The following CDK18 variants were observed in gnomAD, a reference collection of about 807,000 sequenced individuals.
The protein encoded by CDK18 is cyclin-dependent kinase 18.
In CDK18, 52 loss-of-function variants were observed where a neutral mutation model predicts 62.0. The ratio of observed to expected loss-of-function variants is 0.84; its 90% CI spans 0.67 to 1.06. The LOEUF (loss-of-function observed/expected upper bound fraction) is 1.06. CDK18 is among the 50% of genes least tolerant of loss of function. CDK18 has a pLI of 0.00. For synonymous variants in CDK18, 237 were observed against 247.0 expected, an observed-to-expected ratio of 0.96 and a Z score of 0.38; for missense variants, 604 against 619.9, an observed-to-expected ratio of 0.97 and a Z score of 0.27.
chr1:205,519,932 C>T (rs527487438), intron 1 of CDK18, among the ~76,000 whole-genome samples: 1 of 152,286 alleles, frequency 6.6e-6, no homozygotes, highest in South Asian at 2.1e-4. Flanking sequence ...TCCCAGACTG[C>T]AGGACGGTTT....
intron 1 of CDK18, among the ~76,000 whole-genome samples, chr1:205,518,401 G>T (rs530537820): frequency 6.6e-6 from 1 of 152,226 alleles, no homozygotes; most frequent in Admixed American, 6.5e-5. Flanking sequence ...GGAGCCAGGG[G>T]TGAGAGGGGT....
In CDK18 at chr1:205,527,442, G is replaced by C; in HGVS notation, c.730-352G>C. The C allele has an allele frequency of 4.0e-6, 1 of 247,020 alleles. No individual in the cohort carries two copies. The highest frequency in any genetic ancestry group is 5.7e-5 in the South Asian group (1 of 17,422). 15.3% of individuals were successfully genotyped at this position (247,020 alleles called of 1,614,324 possible). Reference sequence around the variant, plus strand: ...TGCAGTGAGCCATGATCACACCACTGCACTCCAGCCTGGGTGACAGAGTAA... The same window carrying C: ...TGCAGTGAGCCATGATCACACCACTCCACTCCAGCCTGGGTGACAGAGTAA... On this transcript the variant is annotated intron_variant, in intron 8 of 15. Coordinates refer to ENST00000429964, the MANE Select transcript of CDK18 (RefSeq NM_212502.3). This position sits in a 1 kb window ranked among gnomAD's most constrained non-coding sequence, Gnocchi z 4.1.
At chr1:205,524,670 T>G (rs1302594871) in intron 4 of CDK18, among the ~76,000 whole-genome samples, 1 of 152,202 alleles carries the variant, frequency 6.6e-6, no homozygotes, top group Non-Finnish European at 1.5e-5. Context: ...GTTTGGGACA[T>G]CTTACAAAAC....
In CDK18 at chr1:205,532,038, C is replaced by G. The variant is rs1044289872; in HGVS notation, c.*660C>G. On this transcript the variant is annotated 3_prime_UTR_variant, in exon 16 of 16. Coordinates refer to ENST00000429964, the MANE Select transcript of CDK18 (RefSeq NM_212502.3). ...GGCTTGAACCATGGCTGAGCAGTGC[C>G]GGCATACGCTTTGCTGGCATGCTTG... is the stretch of plus-strand genomic sequence containing the variant. 1 of 153,058 alleles carries G rather than the reference C, an allele frequency of 6.5e-6. No homozygotes were observed. Among genetic ancestry groups the G allele is most frequent in the African/African-American group, 2.4e-5 (1 of 41,440 alleles). 9.5% of individuals were successfully genotyped at this position (153,058 alleles called of 1,614,324 possible). A position where few individuals can be genotyped will look rare whatever the true frequency, so the allele number is the denominator to read the frequency against.
chr1:205,529,168 G>A, intron 11 of CDK18, 72 bp downstream of exon 11: 3 of 1,422,482 alleles, frequency 2.1e-6, no homozygotes, highest in South Asian at 1.2e-5. Context: ...GGCGCGGAGC[G>A]GGACGGGGAG....
rs1304180199 is a variant in CDK18 at position 205,510,876 on chromosome 1, G to A, written c.-22+6080G>A. 2.6e-5 allele frequency among the ~76,000 whole-genome samples: 4 copies of A among 152,226 alleles called. No individual in the cohort carries two copies. In the East Asian group the frequency reaches 7.7e-4, roughly 29 times the overall value. ...GCTAACAAGGTGAGCTGTGTGCTGGGGTCCCAAGAGGGGCTCAGCCTCCTG... is the reference window on the plus strand; with the variant it reads ...GCTAACAAGGTGAGCTGTGTGCTGGAGTCCCAAGAGGGGCTCAGCCTCCTG... On this transcript the variant is annotated intron_variant, in intron 1 of 15. Transcript: ENST00000429964.
intron 1 of CDK18, among the ~76,000 whole-genome samples, chr1:205,514,901 C>T (rs1667741920): frequency 6.6e-6 from 1 of 152,156 alleles, no homozygotes; most frequent in South Asian, 2.1e-4. Flanking sequence ...AAGGTGTGGT[C>T]ATGCACAGTC....
At chr1:205,522,103 C>T (rs1668157779) in intron 1 of CDK18, among the ~76,000 whole-genome samples, 2 of 152,134 alleles carry the variant, frequency 1.3e-5, no homozygotes, top group South Asian at 4.1e-4. Context: ...GGTGAGACAG[C>T]GCTGCTCTGG....
chr1:205,531,177 G>T (rs112801467), intron 15 of CDK18, among the ~76,000 whole-genome samples, 167 bp from the exon 16 acceptor site: 12 of 152,352 alleles, frequency 7.9e-5, no homozygotes, highest in African/African-American at 2.6e-4. Flanking sequence ...CATGCAGCTA[G>T]TAAGTAGCAG....
rs1046048207 is a variant in CDK18, at chr1:205,525,067, TG to T, written c.400-67del. On this transcript the variant is annotated intron_variant, in intron 4 of 15. Transcript: ENST00000429964. ...TCCCTTCCCTCCCAGAGGCTGGAGT[TG>T]GGGGAGGCGTCATGTCTGTGGAGCT... 67 of 965,528 alleles carry T rather than the reference TG, an allele frequency of 6.9e-5. No individual in the cohort carries two copies. The African/African-American group carries it at 1.0e-3, about 15-fold the overall frequency. 59.8% of individuals were successfully genotyped at this position (965,528 alleles called of 1,614,324 possible). A position where few individuals can be genotyped will look rare whatever the true frequency, so the allele number is the denominator to read the frequency against.
Position 205,523,045 on chromosome 1 carries a change from A to C in CDK18, c.-21-102A>C. ...CTGGCTCCCAGTGATGGTGGCATAC[A>C]GGGCGACAGAGCTTGATGAGAGAGC... On this transcript the variant is annotated intron_variant, in intron 1 of 15. Transcript: ENST00000429964. The C allele has an allele frequency of 1.0e-5, 13 of 1,293,110 alleles. No individual in the cohort carries two copies. In the South Asian group the frequency reaches 1.9e-4, roughly 19 times the overall value. The allele number at this position is 1,293,110 out of a possible 1,614,324, so 80.1% of individuals were successfully genotyped here.
intron 1 of CDK18, among the ~76,000 whole-genome samples, chr1:205,514,493 C>G (rs1043002891): frequency 1.5e-4 from 23 of 152,152 alleles, no homozygotes; most frequent in Non-Finnish European, 3.2e-4. Context: ...AGGAGATGGC[C>G]TAATGAGAAG....
rs1166130697 is a variant in CDK18, at chr1:205,516,953, TTC to T, written c.-21-6193_-21-6192del. 7 of 152,164 alleles carry T rather than the reference TTC, an allele frequency of 4.6e-5. No homozygotes were observed. Among genetic ancestry groups the T allele is most frequent in the African/African-American group, 7.2e-5 (3 of 41,398 alleles). 9.4% of individuals were successfully genotyped at this position (152,164 alleles called of 1,614,324 possible). On this transcript the variant is annotated intron_variant, in intron 1 of 15. Coordinates refer to ENST00000429964, the MANE Select transcript of CDK18 (RefSeq NM_212502.3). The surrounding 1 kb of genome is among the most constrained non-coding windows in gnomAD (Gnocchi z 4.8). ...GCCCTCCAGTCTACAGCATCCCAGA[TTC>T]CTGGGATGCTCTGTCAACCTCCTTC...
intron 1 of CDK18, among the ~76,000 whole-genome samples, chr1:205,512,196 G>A (rs1233133652): frequency 1.3e-5 from 2 of 152,218 alleles, no homozygotes; most frequent in African/African-American, 4.8e-5. Flanking sequence ...GCGGGTGGTG[G>A]TTTCCACTTC....
rs186376206 is a variant in CDK18 at position 205,530,602 on chromosome 1, C to T, written c.1313-26C>T. On this transcript the variant is annotated intron_variant, in intron 14 of 15. Transcript: ENST00000429964. ...GGAGGCCAGCTCCACGCAGCCCTCT[C>T]CAGACTATGCACTTCTCTCCCCCAG... The T allele has an allele frequency of 2.0e-4, 329 of 1,609,380 alleles. 2 individuals carry two copies. In the African/African-American group the frequency reaches 3.8e-3, roughly 19 times the overall value.
At chr1:205,524,170 C>T (rs1668294537) in intron 3 of CDK18, 62 bp from the exon 4 acceptor site, 7 of 1,602,178 alleles carry the variant, frequency 4.4e-6, no homozygotes, top group Middle Eastern at 1.7e-4. Context: ...AGTCTGGAGC[C>T]CCACAGCCCT....
chr1:205,507,330 G>C (rs1667354141), intron 1 of CDK18, among the ~76,000 whole-genome samples: 1 of 152,124 alleles, frequency 6.6e-6, no homozygotes, highest in Non-Finnish European at 1.5e-5. Context: ...GATCATAATA[G>C]AGGGCTGTTA....
At position 205,528,920 on chromosome 1, in the gene CDK18, C is replaced by T. The variant is rs1668580368; in HGVS notation, c.975-79C>T. The T allele has an allele frequency of 1.7e-5, 16 of 937,374 alleles. No individual in the cohort carries two copies. The highest frequency in any genetic ancestry group is 2.6e-5 in the Non-Finnish European group (16 of 616,290). 58.1% of individuals were successfully genotyped at this position (937,374 alleles called of 1,614,324 possible). On this transcript the variant is annotated intron_variant, in intron 10 of 15. Transcript: ENST00000429964. The surrounding 1 kb of genome is among the most constrained non-coding windows in gnomAD (Gnocchi z 4.2). ...CCTGCAGCCGCCTGTGGCAGGTCGT[C>T]ATTGGTGCCCTGGTGGAGCAGCCCT...
At chr1:205,508,290 G>A (rs1667407860) in intron 1 of CDK18, among the ~76,000 whole-genome samples, 1 of 152,188 alleles carries the variant, frequency 6.6e-6, no homozygotes, top group African/African-American at 2.4e-5. Context: ...GGGGGTGGGA[G>A]CAGACCAAGG....
Sources: allele counts gnomAD v4.1 joint callset (sites outside exome capture counted in the v4.1 genomes callset), GRCh38; gene constraint gnomAD v4.1.1; non-coding constraint Gnocchi (gnomAD v3.1); transcripts MANE v1.5; gene names NCBI Gene and HGNC (gene_info 2026-07-23, HGNC 2026-07-21).